The following ULK4 variants were observed in gnomAD, a reference collection of about 807,000 sequenced individuals.
The protein encoded by ULK4 is inactive serine/threonine-protein kinase ULK4.
Under a neutral mutation model 160.6 loss-of-function variants are expected in ULK4, and 133 were observed. The observed-to-expected ratio is 0.83, with a 90% CI of 0.72 to 0.96. The LOEUF (loss-of-function observed/expected upper bound fraction) is 0.96, where lower values mean the gene tolerates loss of function less well. ULK4 is among the 40% of genes least tolerant of loss of function. ULK4 has a pLI of 0.00. For synonymous variants in ULK4, 534 were observed against 539.8 expected (o/e 0.99, Z 0.15); for missense variants, 1,580 against 1,499.5 (o/e 1.05, Z -0.89).
At position 41,736,393 on chromosome 3, in the gene ULK4, G is replaced by A. The variant is rs2038050391; in HGVS notation, c.2321+17968C>T. On this transcript the variant is annotated intron_variant, in intron 22 of 36. Transcript: ENST00000301831. ...TTTAATGATTGCCATTCTAACTGGT[G>A]TGAGATGGTATCTCACTGCGGTTTT... is the stretch of plus-strand genomic sequence containing the variant. 1.3e-5 allele frequency among the ~76,000 whole-genome samples: 2 copies of A among 151,862 alleles called. 1 individual carries two copies. Among genetic ancestry groups the A allele is most frequent in the African/African-American group, 4.9e-5 (2 of 41,134 alleles).
chr3:41,368,735 C>A (rs572978416), intron 35 of ULK4, among the ~76,000 whole-genome samples: 18 of 152,284 alleles, frequency 1.2e-4, no homozygotes, highest in Non-Finnish European at 2.2e-4. Flanking sequence ...CTTTTTATGA[C>A]TGAATAATAT....
At chr3:41,937,109 G>T (rs936386950) in intron 3 of ULK4, 2 of 444,250 alleles carry the variant, frequency 4.5e-6, no homozygotes, top group Non-Finnish European at 8.1e-6. Flanking sequence ...GTTTCTGCTG[G>T]CATTGAAAAG....
At chr3:41,771,798 C>A (rs75043234) in intron 21 of ULK4, among the ~76,000 whole-genome samples, 1 of 152,090 alleles carries the variant, frequency 6.6e-6, no homozygotes, top group African/African-American at 2.4e-5. Context: ...ATATATAATA[C>A]CAATCCTTTT....
intron 35 of ULK4, among the ~76,000 whole-genome samples, chr3:41,336,839 G>A (rs2080569049): frequency 6.6e-6 from 1 of 152,166 alleles, no homozygotes; most frequent in African/African-American, 2.4e-5. Flanking sequence ...TCAGGAAGCT[G>A]TGTGATTACA....
chr3:41,548,401 G>T (rs779594938), intron 32 of ULK4, among the ~76,000 whole-genome samples: 1 of 151,960 alleles, frequency 6.6e-6, no homozygotes, highest in Non-Finnish European at 1.5e-5. Context: ...ATCACCCTGA[G>T]CAAGCACATA....
At chr3:41,868,600 G>C (rs1029798117) in intron 17 of ULK4, among the ~76,000 whole-genome samples, 5 of 152,068 alleles carry the variant, frequency 3.3e-5, no homozygotes, top group African/African-American at 1.2e-4. Flanking sequence ...CCATTCTCCT[G>C]CCTCAGCCTC....
At chr3:41,424,699 TAA>T (rs1280781031) in intron 34 of ULK4, among the ~76,000 whole-genome samples, 1 of 151,532 alleles carries the variant, frequency 6.6e-6, no homozygotes, top group African/African-American at 2.4e-5. Flanking sequence ...GCCTGACTAT[TAA>T]AAGAAAAACA....
At chr3:41,506,775 T>TATATATATAAATATATATAA (rs1559658156) in intron 32 of ULK4, among the ~76,000 whole-genome samples, 1 of 17,622 alleles carries the variant, frequency 5.7e-5, no homozygotes, top group African/African-American at 1.4e-4. Flanking sequence ...AAAATATATA[T>TATATATATAAATATATATAA]ATATATATAT....
At chr3:41,755,466 G>A (rs1464223879) in intron 21 of ULK4, among the ~76,000 whole-genome samples, 4 of 151,666 alleles carry the variant, frequency 2.6e-5, no homozygotes, top group Non-Finnish European at 4.4e-5. Context: ...TTTATCTCAG[G>A]TAAAAAAAAC....
chr3:41,525,237 T>C (rs1484065965), intron 32 of ULK4, among the ~76,000 whole-genome samples: 1 of 152,190 alleles, frequency 6.6e-6, no homozygotes, highest in Non-Finnish European at 1.5e-5. Context: ...AAAATCCTCA[T>C]GCATGGTGAG....
At chr3:41,561,379 A>T (rs1351789157) in intron 32 of ULK4, among the ~76,000 whole-genome samples, 1 of 152,238 alleles carries the variant, frequency 6.6e-6, no homozygotes, top group Non-Finnish European at 1.5e-5. Context: ...CTAGCATCAT[A>T]CAATGAGTTA....
At chr3:41,336,370 C>G (rs557852454) in intron 35 of ULK4, among the ~76,000 whole-genome samples, 1 of 152,308 alleles carries the variant, frequency 6.6e-6, no homozygotes, top group Non-Finnish European at 1.5e-5. Context: ...GAACTTCAAG[C>G]TCCCTCTGAA....
chr3:41,706,385 T>TA (rs1402519946), intron 25 of ULK4, among the ~76,000 whole-genome samples: 2 of 145,710 alleles, frequency 1.4e-5, no homozygotes, highest in African/African-American at 5.0e-5. Context: ...AATATATATA[T>TA]TTATATATAT....
chr3:41,799,442 T>C (rs543988642), intron 20 of ULK4, among the ~76,000 whole-genome samples: 1 of 152,096 alleles, frequency 6.6e-6, no homozygotes, highest in Admixed American at 6.6e-5. Flanking sequence ...CTGAACCACA[T>C]GATAAACTCA....
At chr3:41,874,595 T>C (rs1697228567) in intron 17 of ULK4, among the ~76,000 whole-genome samples, 1 of 152,244 alleles carries the variant, frequency 6.6e-6, no homozygotes, top group Non-Finnish European at 1.5e-5. Flanking sequence ...TTCTAAGTGA[T>C]GTAACTCAGG....
chr3:41,699,526 A>G (rs2036602432), intron 27 of ULK4, among the ~76,000 whole-genome samples: 1 of 151,814 alleles, frequency 6.6e-6, no homozygotes, highest in South Asian at 2.1e-4. Context: ...TTCGCTGTAC[A>G]AAACAAATCG....
rs963480508 is a variant in ULK4 at position 41,736,148 on chromosome 3, A to G, written c.2321+18213T>C. Among the ~76,000 whole-genome samples the G allele has an allele frequency of 3.9e-4, 59 of 151,664 alleles. 1 individual carries two copies. The highest frequency in any genetic ancestry group is 7.6e-4 in the Non-Finnish European group (52 of 67,984). On this transcript the variant is annotated intron_variant, in intron 22 of 36. Coordinates refer to ENST00000301831, the MANE Select transcript of ULK4 (RefSeq NM_017886.4). ...GCTATTGTGAATAATGCCACAATAA[A>G]CATACGTGTGCATGTGTCTTTATAG... is the stretch of plus-strand genomic sequence containing the variant.
chr3:41,540,648 C>T (rs2086664893), intron 32 of ULK4, among the ~76,000 whole-genome samples: 1 of 152,280 alleles, frequency 6.6e-6, no homozygotes, highest in Non-Finnish European at 1.5e-5. Flanking sequence ...ATTTACACTC[C>T]CACCAACAGT....
In ULK4 at chr3:41,917,454, C is replaced by T. The variant is rs78321668; in HGVS notation, c.727+1003G>A. 6.6e-3 allele frequency among the ~76,000 whole-genome samples: 1,006 copies of T among 151,902 alleles called. 11 individuals are homozygous for T. Among genetic ancestry groups the T allele is most frequent in the African/African-American group, 0.023 (964 of 41,416 alleles). On this transcript the variant is annotated intron_variant, in intron 7 of 36. Transcript: ENST00000301831. ...GAGTGACACAGCAGCACAGCAGAAC[C>T]CTGTCTCTCAAATATATATATATGT...
Sources: gnomAD v4.1 joint callset for allele counts (sites outside exome capture counted in the v4.1 genomes callset) on GRCh38, gnomAD v4.1.1 for gene constraint, MANE v1.5 for transcripts, NCBI Gene and HGNC (gene_info 2026-07-23, HGNC 2026-07-21) for gene names.